ARFGEF1: variants seen among roughly 807,000 people sequenced by gnomAD.
The protein encoded by ARFGEF1 is ARF guanine nucleotide exchange factor 1, also known as brefeldin A-inhibited guanine nucleotide-exchange protein 1.
Under a neutral mutation model 231.0 loss-of-function variants are expected in ARFGEF1, and 42 were observed. The ratio of observed to expected loss-of-function variants is 0.18; its 90% confidence interval spans 0.14 to 0.24. ARFGEF1 has a LOEUF of 0.24. ARFGEF1 is among the 10% of genes least tolerant of loss of function. The probability of loss-of-function intolerance (pLI) is 1.00; values close to 1 mark genes in which losing one functional copy is unlikely to be tolerated. For synonymous variants in ARFGEF1, 710 were observed against 732.3 expected, an observed-to-expected ratio of 0.97 and a Z score of 0.49; for missense variants, 1,345 against 2,192.0, an observed-to-expected ratio of 0.61 and a Z score of 7.72.
At chr8:67,297,791 G>C (rs1267674727) in intron 4 of ARFGEF1, among the ~76,000 whole-genome samples, 2 of 146,940 alleles carry the variant, frequency 1.4e-5, no homozygotes, top group African/African-American at 5.1e-5. Flanking sequence ...AGGTCAAAAT[G>C]ATCAACCCGT....
intron 1 of ARFGEF1, among the ~76,000 whole-genome samples, chr8:67,324,570 A>G (rs1222431852): frequency 6.6e-6 from 1 of 152,232 alleles, no homozygotes; most frequent in Non-Finnish European, 1.5e-5. Flanking sequence ...TCCTGAAAAG[A>G]ACTTATCAAT....
Position 67,302,429 on chromosome 8 carries a change from C to A in ARFGEF1, c.155+7G>T. 6.4e-7 allele frequency: 1 copy of A among 1,568,174 alleles called. No individual in the cohort carries two copies. The highest frequency in any genetic ancestry group is 1.2e-5 in the South Asian group (1 of 81,938). On this transcript the variant is annotated splice_region_variant and intron_variant, in intron 2 of 38. Coordinates refer to ENST00000262215, the MANE Select transcript of ARFGEF1 (RefSeq NM_006421.5). Reference sequence around the variant, plus strand: ...TATTTTTACTAAAGAAAAGAAATCCCACAAACCTCTGTTTTTCAGTTTCCG... The same window carrying A: ...TATTTTTACTAAAGAAAAGAAATCCAACAAACCTCTGTTTTTCAGTTTCCG...
intron 36 of ARFGEF1, 21 bp from the exon 37 acceptor site, chr8:67,201,626 T>C: frequency 6.2e-7 from 1 of 1,612,630 alleles, no homozygotes. Context: ...GGGAAGTTTC[T>C]GGGATTAGTT....
intron 6 of ARFGEF1, among the ~76,000 whole-genome samples, chr8:67,289,282 G>T (rs1366492836): frequency 6.6e-6 from 1 of 151,906 alleles, no homozygotes; most frequent in African/African-American, 2.4e-5. Context: ...GCTGAGCACA[G>T]GGGGGGTCAC....
At chr8:67,254,003 A>G (rs1232059999) in intron 17 of ARFGEF1, among the ~76,000 whole-genome samples, 1 of 152,228 alleles carries the variant, frequency 6.6e-6, no homozygotes, top group African/African-American at 2.4e-5. Flanking sequence ...AAGAACATAA[A>G]TGTGCTGTTA....
chr8:67,269,978 T>G (rs1298461302), intron 10 of ARFGEF1, among the ~76,000 whole-genome samples: 2 of 152,128 alleles, frequency 1.3e-5, no homozygotes, highest in Non-Finnish European at 2.9e-5. Flanking sequence ...AGAAGCAGAA[T>G]CTCAGTGTCC....
chr8:67,193,319 ACTC>A (rs898805484), downstream of ARFGEF1: 110 of 550,322 alleles, frequency 2.0e-4, no homozygotes, highest in Middle Eastern at 0.014. Context: ...CTGGTCTTGA[ACTC>A]CTGACTTCAG....
At chr8:67,214,187 A>G (rs768249722) in intron 33 of ARFGEF1, among the ~76,000 whole-genome samples, 38 of 152,354 alleles carry the variant, frequency 2.5e-4, no homozygotes, top group Non-Finnish European at 4.9e-4. Context: ...ATGTATGGCC[A>G]TGAAACAGAT....
chr8:67,251,591 G>T lies in ARFGEF1; in HGVS notation c.2699-141C>A, dbSNP rs939187416. The T allele has an allele frequency of 3.2e-5, 25 of 788,204 alleles. No homozygotes were observed. In the African/African-American group the frequency reaches 4.5e-4, roughly 14 times the overall value. The allele number at this position is 788,204 out of a possible 1,614,324, so 48.8% of individuals were successfully genotyped here. A position where few individuals can be genotyped will look rare whatever the true frequency, so the allele number is the denominator to read the frequency against. On this transcript the variant is annotated intron_variant, in intron 18 of 38. Transcript: ENST00000262215. ...AGACACAAGAGATCCCATATTATAT[G>T]ATTACACTTATATGAAAAATCCAGA...
At chr8:67,217,304 C>CA (rs1388888346) in intron 32 of ARFGEF1, among the ~76,000 whole-genome samples, 3,534 of 83,024 alleles carry the variant, frequency 0.043, 121 homozygotes, top group Admixed American at 0.11. Context: ...AACTCCATCT[C>CA]AAAAAAAAAA....
At chr8:67,341,441 A>G (rs1808623006) in intron 1 of ARFGEF1, among the ~76,000 whole-genome samples, 1 of 151,138 alleles carries the variant, frequency 6.6e-6, no homozygotes, top group Non-Finnish European at 1.5e-5. Context: ...AAAAAAAAAA[A>G]AAAAAAAATT....
chr8:67,259,507 T>A (rs1422861774), intron 15 of ARFGEF1, among the ~76,000 whole-genome samples: 1 of 152,006 alleles, frequency 6.6e-6, no homozygotes, highest in South Asian at 2.1e-4. Flanking sequence ...GAATTACACA[T>A]GTGAGCCACT....
At chr8:67,310,996 C>T (rs1185644969) in intron 1 of ARFGEF1, among the ~76,000 whole-genome samples, 32 of 117,918 alleles carry the variant, frequency 2.7e-4, no homozygotes, top group Middle Eastern at 0.014. Flanking sequence ...GGGGGTCAGC[C>T]CCCCGCCCGG....
At chr8:67,175,276 T>C, downstream of ARFGEF1, 3 of 1,580,268 alleles carry the variant, frequency 1.9e-6, 1 homozygote, top group South Asian at 2.2e-5. Context: ...CTTAGTTATA[T>C]AACATATTTT....
In ARFGEF1 at chr8:67,232,916, C is replaced by T; in HGVS notation, c.3319G>A (p.Ala1107Thr). 3 of 1,611,150 alleles carry T rather than the reference C, an allele frequency of 1.9e-6. No individual in the cohort carries two copies. The highest frequency in any genetic ancestry group is 2.5e-6 in the Non-Finnish European group (3 of 1,178,348). ...VGGNVDWKQI[A>T]SIQESIGETS... Reference sequence around the variant, plus strand: ...TCTCCAATGGATTCCTGAATACTTGCTATCTGTTTCCAGTCCACATTTCCT... The same window carrying T: ...TCTCCAATGGATTCCTGAATACTTGTTATCTGTTTCCAGTCCACATTTCCT... Residue 1107 changes from alanine (A) to threonine (T), a missense_variant, in exon 23 of 39, where the codon GCA becomes ACA. This residue lies in a region of ARFGEF1 where 146 missense variants were observed against 321.4 expected (regional missense o/e 0.45). Transcript: ENST00000262215.
chr8:67,243,518 TC>T lies in ARFGEF1; in HGVS notation c.2851-3229del, dbSNP rs200575276. On this transcript the variant is annotated intron_variant, in intron 19 of 38. Coordinates refer to ENST00000262215, the MANE Select transcript of ARFGEF1 (RefSeq NM_006421.5). The stretch of plus-strand genomic sequence containing the variant: ...GACCTGCCCCCATGATTCAATTACC[TC>T]CCACTGGGTCTCTCTCATGACACAT... 3.0e-3 allele frequency among the ~76,000 whole-genome samples: 458 copies of T among 152,208 alleles called. 6 individuals are homozygous for T. Among genetic ancestry groups the T allele is most frequent in the African/African-American group, 9.6e-3 (400 of 41,524 alleles).
intron 32 of ARFGEF1, among the ~76,000 whole-genome samples, chr8:67,217,073 G>A (rs930358576): frequency 1.6e-4 from 24 of 151,846 alleles, no homozygotes; most frequent in Non-Finnish European, 3.5e-4. Context: ...GGGAGGCCAA[G>A]GTGGGCGGAT....
At chr8:67,326,844 G>A (rs1807856551) in intron 1 of ARFGEF1, among the ~76,000 whole-genome samples, 1 of 152,142 alleles carries the variant, frequency 6.6e-6, no homozygotes, top group Non-Finnish European at 1.5e-5. Context: ...ATTAAGTCAG[G>A]ATTTACTGTA....
Position 67,226,122 on chromosome 8 carries a change from A to G in ARFGEF1, c.3978T>C (p.Cys1326=). ...TIDSFQDAVK[C]LSEFACNAAF... Reference sequence around the variant, plus strand: ...CTGCATTGCACGCAAATTCAGACAAACACTTCACTGCATCCTGGAAAGAAT... The same window carrying G: ...CTGCATTGCACGCAAATTCAGACAAGCACTTCACTGCATCCTGGAAAGAAT... Residue 1326 remains cysteine, a synonymous_variant, in exon 28 of 39, where the codon TGT becomes TGC. Transcript: ENST00000262215. 6.2e-7 allele frequency: 1 copy of G among 1,613,316 alleles called. No homozygotes were observed. The highest frequency in any genetic ancestry group is 8.5e-7 in the Non-Finnish European group (1 of 1,179,550).
Sources: gnomAD v4.1 joint callset for allele counts (sites outside exome capture counted in the v4.1 genomes callset) on GRCh38, gnomAD v4.1.1 for gene constraint, gnomAD v4.1.1 regional missense constraint, MANE v1.5 for transcripts, NCBI Gene and HGNC (gene_info 2026-07-23, HGNC 2026-07-21) for gene names.